The following TARS3 variants were observed in gnomAD, a reference collection of about 807,000 sequenced individuals.
The protein encoded by TARS3 is threonine--tRNA ligase 2, cytoplasmic.
In TARS3, 94 loss-of-function variants were observed where a neutral mutation model predicts 103.5. The observed-to-expected ratio is 0.91, with a 90% CI of 0.77 to 1.08. The LOEUF (loss-of-function observed/expected upper bound fraction) is 1.08, where lower values mean the gene tolerates loss of function less well. Among genes scored for constraint, TARS3 ranks in the 50% least tolerant of loss-of-function variants. The pLI is 0.00. For synonymous variants in TARS3, 416 were observed against 355.4 expected (o/e 1.17, Z -1.92); for missense variants, 952 against 995.2 (o/e 0.96, Z 0.58).
intron 10 of TARS3, among the ~76,000 whole-genome samples, chr15:101,689,123 G>A (rs1052546285): frequency 6.6e-6 from 1 of 152,134 alleles, no homozygotes; most frequent in Non-Finnish European, 1.5e-5. Context: ...AGACAGAAAA[G>A]GACTTACTAC....
At chr15:101,682,058 C>T (rs928295582) in intron 12 of TARS3, among the ~76,000 whole-genome samples, 1 of 152,166 alleles carries the variant, frequency 6.6e-6, no homozygotes, top group African/African-American at 2.4e-5. Context: ...TCCATCTGAT[C>T]TCTACATAGA....
At chr15:101,661,450 C>T (rs1350658846) in intron 16 of TARS3, among the ~76,000 whole-genome samples, 5 of 151,192 alleles carry the variant, frequency 3.3e-5, no homozygotes, top group African/African-American at 1.2e-4. Flanking sequence ...TACCGAGTCC[C>T]CCAAAAGGTA....
At chr15:101,657,453 G>C (rs1050054369) in intron 17 of TARS3, among the ~76,000 whole-genome samples, 4 of 152,238 alleles carry the variant, frequency 2.6e-5, no homozygotes, top group African/African-American at 9.6e-5. Context: ...CGTAGGAACT[G>C]TGAGATCATC....
chr15:101,721,389 G>T, intron 2 of TARS3, 67 bp from the exon 3 acceptor site: 2 of 1,275,410 alleles, frequency 1.6e-6, no homozygotes, highest in East Asian at 2.4e-5. Context: ...GCTCAGCTCT[G>T]AATCAGGCTC....
chr15:101,675,534 A>C, intron 13 of TARS3, 66 bp downstream of exon 13: 1 of 1,477,208 alleles, frequency 6.8e-7, no homozygotes. Context: ...TCCTGTGAAG[A>C]CTGCAGCCTC....
intron 3 of TARS3, among the ~76,000 whole-genome samples, chr15:101,717,777 C>T (rs1900229913): frequency 6.6e-6 from 1 of 152,346 alleles, no homozygotes; most frequent in East Asian, 1.9e-4. Flanking sequence ...TGGCCACCCA[C>T]GTCTAGACTG....
chr15:101,708,957 C>G, intron 5 of TARS3, 47 bp from the exon 6 acceptor site: 1 of 1,237,648 alleles, frequency 8.1e-7, no homozygotes, highest in South Asian at 1.4e-5. Flanking sequence ...AGACATTATG[C>G]ATTCCCTCTT....
rs746816863 is a variant in TARS3, at chr15:101,671,606, T to C, written c.1867-20A>G. 2 of 1,609,754 alleles carry C rather than the reference T, an allele frequency of 1.2e-6. No individual in the cohort carries two copies. The highest frequency in any genetic ancestry group is 2.2e-5 in the South Asian group (2 of 90,910). On this transcript the variant is annotated intron_variant, in intron 14 of 18. Coordinates refer to ENST00000335968, the MANE Select transcript of TARS3 (RefSeq NM_152334.3). ...GTCAATCTACAAATTAAATAATGTT[T>C]GCTCAGAAAAGAGTATTTATTTTTC...
intron 12 of TARS3, among the ~76,000 whole-genome samples, chr15:101,678,918 A>C (rs1399704640): frequency 3.3e-5 from 5 of 152,176 alleles, no homozygotes; most frequent in Admixed American, 1.3e-4. Flanking sequence ...TCTGGGTTGA[A>C]AATTCCTTTT....
At chr15:101,710,713 T>C (rs1025602651) in intron 5 of TARS3, among the ~76,000 whole-genome samples, 1 of 152,068 alleles carries the variant, frequency 6.6e-6, no homozygotes, top group Non-Finnish European at 1.5e-5. Context: ...GGGTGCTCGG[T>C]TGGGGAGGTC....
In TARS3 at chr15:101,661,782, T is replaced by C. The variant is rs1389507265; in HGVS notation, c.2002A>G (p.Ile668Val). The change falls in exon 16 of 19, where the codon ATT (isoleucine) becomes GTT (valine). Residue 668 changes from isoleucine (I) to valine (V), a missense_variant. Physicochemically the swap from Ile to Val is conservative, Grantham distance 29. This residue lies in a region of TARS3 where 540 missense variants were observed against 631.0 expected (regional missense o/e 0.86). Transcript: ENST00000335968. ...DGDDKKRPVI[I>V]HRAILGSVER... is the part of the protein sequence containing the mutation. ...ACTGATCCCAAAATGGCTCGATGAA[T>C]GATCACAGGTCTCTTCTTATCATCC... 1 of 1,607,552 alleles carries C rather than the reference T, an allele frequency of 6.2e-7. No individual in the cohort carries two copies. Among genetic ancestry groups the C allele is most frequent in the Non-Finnish European group, 8.5e-7 (1 of 1,176,640 alleles).
chr15:101,689,743 G>A (rs1460822087), intron 10 of TARS3, among the ~76,000 whole-genome samples: 6 of 152,158 alleles, frequency 3.9e-5, no homozygotes, highest in Non-Finnish European at 8.8e-5. Flanking sequence ...TCACACTTCT[G>A]GCCTCCAAAA....
chr15:101,666,582 T>A (rs1388692620), intron 15 of TARS3, among the ~76,000 whole-genome samples: 1 of 151,948 alleles, frequency 6.6e-6, no homozygotes, highest in Non-Finnish European at 1.5e-5. Flanking sequence ...ACAATATTTT[T>A]AAAATATTAA....
At chr15:101,705,032 A>C (rs1271222417) in intron 7 of TARS3, among the ~76,000 whole-genome samples, 1 of 152,228 alleles carries the variant, frequency 6.6e-6, no homozygotes. Flanking sequence ...GTACTGTGAT[A>C]GTCCTAGCAG....
At chr15:101,713,538 A>ATGGAGAGAGAGAGAAG (rs140520700) in intron 4 of TARS3, among the ~76,000 whole-genome samples, 1 of 151,958 alleles carries the variant, frequency 6.6e-6, no homozygotes. Flanking sequence ...GGCAGTGGCA[A>ATGGAGAGAGAGAGAAG]TGGACAGATT....
chr15:101,713,238 T>C (rs1899952213), intron 4 of TARS3, among the ~76,000 whole-genome samples: 3 of 152,138 alleles, frequency 2.0e-5, no homozygotes. Flanking sequence ...GTGTCCTGCA[T>C]TCATGGGGAC....
chr15:101,695,577 A>C (rs1898932515), intron 10 of TARS3, among the ~76,000 whole-genome samples: 1 of 152,168 alleles, frequency 6.6e-6, no homozygotes, highest in Non-Finnish European at 1.5e-5. Flanking sequence ...CTCAGTGTAG[A>C]TGCGGGCATA....
rs1475921106 is a variant in TARS3 at position 101,724,461 on chromosome 15, C to T, written c.-74G>A. 20 of 1,349,956 alleles carry T rather than the reference C, an allele frequency of 1.5e-5. No individual in the cohort carries two copies. In the South Asian group the frequency reaches 2.4e-4, roughly 16 times the overall value. 83.6% of individuals were successfully genotyped at this position (1,349,956 alleles called of 1,614,324 possible). A position where few individuals can be genotyped will look rare whatever the true frequency, so the allele number is the denominator to read the frequency against. On this transcript the variant is annotated 5_prime_UTR_variant, in exon 1 of 19. Coordinates refer to ENST00000335968, the MANE Select transcript of TARS3 (RefSeq NM_152334.3). ...GCGAGGGCGACGCGGACACTCAGCGCACGGCAGAAGACAGGGCTCCCGGGA... is the reference window on the plus strand; with the variant it reads ...GCGAGGGCGACGCGGACACTCAGCGTACGGCAGAAGACAGGGCTCCCGGGA...
At chr15:101,674,479 T>C (rs1406987979) in intron 13 of TARS3, among the ~76,000 whole-genome samples, 1 of 152,220 alleles carries the variant, frequency 6.6e-6, no homozygotes, top group Admixed American at 6.5e-5. Context: ...GTTTTTGCTG[T>C]TGCACCTCAC....
Sources: allele counts gnomAD v4.1 joint callset (sites outside exome capture counted in the v4.1 genomes callset), GRCh38; gene constraint gnomAD v4.1.1; regional missense constraint gnomAD v4.1.1; transcripts MANE v1.5; gene names NCBI Gene and HGNC (gene_info 2026-07-23, HGNC 2026-07-21).